HEMK2: variants seen among roughly 807,000 people sequenced by gnomAD.
The protein encoded by HEMK2 is methyltransferase HEMK2.
chr21:28,614,535 G>A, the HEMK2 span, among the ~76,000 whole-genome samples: 2 of 152,074 alleles, frequency 1.3e-5, no homozygotes, highest in South Asian at 2.1e-4. Flanking sequence ...GTAAGCCAAA[G>A]CCAAGATTTC....
At chr21:28,800,622 GTATA>G in the HEMK2 span, among the ~76,000 whole-genome samples, 1 of 152,116 alleles carries the variant, frequency 6.6e-6, no homozygotes, top group Non-Finnish European at 1.5e-5. Flanking sequence ...GCCTTTGTGT[GTATA>G]TATCTGTAAA....
the HEMK2 span, among the ~76,000 whole-genome samples, chr21:28,860,482 C>A: frequency 6.7e-6 from 1 of 148,602 alleles, no homozygotes; most frequent in Non-Finnish European, 1.5e-5. Context: ...ATATATAATA[C>A]ATATATAAAT....
chr21:28,785,727 C>T, the HEMK2 span, among the ~76,000 whole-genome samples: 278 of 152,296 alleles, frequency 1.8e-3, 3 homozygotes, highest in Middle Eastern at 0.014. Context: ...CCCCAGCCGA[C>T]ACTCAGTCAT....
At chr21:28,612,595 A>G in the HEMK2 span, among the ~76,000 whole-genome samples, 1 of 152,186 alleles carries the variant, frequency 6.6e-6, no homozygotes, top group Non-Finnish European at 1.5e-5. Flanking sequence ...CAATCAGACA[A>G]GAGAAAGAAA....
At chr21:28,782,387 A>G in the HEMK2 span, among the ~76,000 whole-genome samples, 1 of 152,206 alleles carries the variant, frequency 6.6e-6, no homozygotes, top group South Asian at 2.1e-4. Context: ...TCTTCAGGGA[A>G]CAATCAAGGC....
At chr21:28,688,398 AC>A in the HEMK2 span, among the ~76,000 whole-genome samples, 1 of 152,326 alleles carries the variant, frequency 6.6e-6, no homozygotes, top group African/African-American at 2.4e-5. Flanking sequence ...ACATCTAACA[AC>A]AAAAATGCAT....
chr21:28,605,384 A>C, the HEMK2 span, among the ~76,000 whole-genome samples: 1 of 152,192 alleles, frequency 6.6e-6, no homozygotes, highest in East Asian at 1.9e-4. Context: ...CAACAGATAG[A>C]GAGTGCAGTG....
the HEMK2 span, among the ~76,000 whole-genome samples, chr21:28,839,000 T>TATACAC: frequency 1.7e-5 from 1 of 57,998 alleles, no homozygotes; most frequent in African/African-American, 6.7e-5. Flanking sequence ...TATATATATA[T>TATACAC]ACATATATAT....
At chr21:28,686,767 C>G in the HEMK2 span, among the ~76,000 whole-genome samples, 2 of 152,160 alleles carry the variant, frequency 1.3e-5, no homozygotes, top group African/African-American at 4.8e-5. Context: ...AGAAATTCTC[C>G]TAAGTCAACA....
chr21:28,595,325 C>T, the HEMK2 span, among the ~76,000 whole-genome samples: 1 of 152,072 alleles, frequency 6.6e-6, no homozygotes. Flanking sequence ...TAGCCACCTC[C>T]CCCTACCACA....
At chr21:28,761,623 T>C in the HEMK2 span, among the ~76,000 whole-genome samples, 2 of 151,286 alleles carry the variant, frequency 1.3e-5, no homozygotes, top group African/African-American at 4.9e-5. Flanking sequence ...CAATTTAGTA[T>C]TAAATATATG....
At chr21:28,817,428 T>C in the HEMK2 span, among the ~76,000 whole-genome samples, 4 of 152,232 alleles carry the variant, frequency 2.6e-5, no homozygotes, top group African/African-American at 7.2e-5. Context: ...TGATGTATTA[T>C]TTTTATTTAA....
the HEMK2 span, among the ~76,000 whole-genome samples, chr21:28,713,531 A>G: frequency 6.6e-6 from 1 of 152,152 alleles, no homozygotes; most frequent in African/African-American, 2.4e-5. Context: ...GGGGCTTTGC[A>G]TGTACAGTTC....
At chr21:28,676,440 G>A in the HEMK2 span, among the ~76,000 whole-genome samples, 2 of 152,286 alleles carry the variant, frequency 1.3e-5, no homozygotes, top group East Asian at 3.9e-4. Context: ...GAGGTACCAG[G>A]GGGTTAGGAC....
the HEMK2 span, among the ~76,000 whole-genome samples, chr21:28,803,817 T>C: frequency 6.6e-6 from 1 of 152,228 alleles, no homozygotes; most frequent in Non-Finnish European, 1.5e-5. Flanking sequence ...ATTTCTTGGG[T>C]ACCCCAATTA....
the HEMK2 span, among the ~76,000 whole-genome samples, chr21:28,666,288 G>A: frequency 6.6e-6 from 1 of 152,170 alleles, no homozygotes. Context: ...ACTTTGGTGA[G>A]AAATTTACAG....
chr21:28,662,782 G>T, the HEMK2 span, among the ~76,000 whole-genome samples: 1 of 152,014 alleles, frequency 6.6e-6, no homozygotes, highest in African/African-American at 2.4e-5. Context: ...AGTTTCCTGA[G>T]GCCTCCCCAG....
At chr21:28,589,098 C>T in the HEMK2 span, among the ~76,000 whole-genome samples, 1 of 151,176 alleles carries the variant, frequency 6.6e-6, no homozygotes, top group South Asian at 2.1e-4. Flanking sequence ...TTTATGTAAA[C>T]TTATAAAAAA....
the HEMK2 span, among the ~76,000 whole-genome samples, chr21:28,763,510 TC>T: frequency 2.0e-5 from 3 of 152,018 alleles, no homozygotes; most frequent in African/African-American, 7.2e-5. Context: ...TCCAGCGACT[TC>T]CCACCAGGCC....
Sources: allele counts gnomAD v4.1 joint callset (sites outside exome capture counted in the v4.1 genomes callset), GRCh38; gene constraint gnomAD v4.1.1; transcripts MANE v1.5; gene names NCBI Gene and HGNC (gene_info 2026-07-23, HGNC 2026-07-21).